The following SMC2 variants were observed in gnomAD, a reference collection of about 807,000 sequenced individuals.
SMC2 encodes structural maintenance of chromosomes 2.
In SMC2, 41 loss-of-function variants were observed where a neutral mutation model predicts 142.6. The observed-to-expected ratio is 0.29, with a 90% confidence interval of 0.22 to 0.37. The LOEUF (loss-of-function observed/expected upper bound fraction) is 0.37, where lower values mean the gene tolerates loss of function less well. SMC2 is among the 10% of genes least tolerant of loss of function. SMC2 has a pLI of 1.00. For missense variants in SMC2, 1,265 were observed against 1,373.7 expected (o/e 0.92, Z 1.25); for synonymous variants, 463 against 457.5 (o/e 1.01, Z -0.15).
At chr9:104,111,155 T>C (rs1832399148) in intron 9 of SMC2, among the ~76,000 whole-genome samples, 1 of 152,204 alleles carries the variant, frequency 6.6e-6, no homozygotes, top group South Asian at 2.1e-4. Context: ...TCTGAAACTA[T>C]TTAATGCTCA....
intron 14 of SMC2, 118 bp from the exon 15 acceptor site, chr9:104,118,053 T>G (rs1254195254): frequency 2.8e-6 from 2 of 721,444 alleles, no homozygotes; most frequent in African/African-American, 3.6e-5. Flanking sequence ...GAAAGAGTTT[T>G]AATGCTAGGT....
At chr9:104,127,906 T>C (rs1313024953) in intron 20 of SMC2, among the ~76,000 whole-genome samples, 1 of 152,218 alleles carries the variant, frequency 6.6e-6, no homozygotes, top group Non-Finnish European at 1.5e-5. Flanking sequence ...CACATGTCTT[T>C]ATGAGTGTTA....
Position 104,140,148 on chromosome 9 carries a change from G to A in SMC2, c.*833G>A, listed in dbSNP as rs1199652484. The A allele has an allele frequency of 3.3e-5, 5 of 151,806 alleles. No individual in the cohort carries two copies. Among genetic ancestry groups the A allele is most frequent in the Admixed American group, 2.0e-4 (3 of 15,222 alleles). The allele number at this position is 151,806 out of a possible 1,614,324, so 9.4% of individuals were successfully genotyped here. ...TAATCCAGTCATTAACAACCTATTGGTAAACAAGAATGTAGGTGCCAGTAG... is the reference window on the plus strand; with the variant it reads ...TAATCCAGTCATTAACAACCTATTGATAAACAAGAATGTAGGTGCCAGTAG... On this transcript the variant is annotated 3_prime_UTR_variant, in exon 25 of 25. Transcript: ENST00000374793.
chr9:104,109,806 T>G (rs969893795), intron 9 of SMC2, among the ~76,000 whole-genome samples: 2 of 152,316 alleles, frequency 1.3e-5, no homozygotes, highest in Admixed American at 1.3e-4. Context: ...TAGGTACTAG[T>G]CTATTTTATC....
chr9:104,093,692 C>T (rs1830142803), upstream of SMC2, among the ~76,000 whole-genome samples: 1 of 152,180 alleles, frequency 6.6e-6, no homozygotes, highest in African/African-American at 2.4e-5. Flanking sequence ...CGGAACAGCT[C>T]TCGGTAGACT....
intron 17 of SMC2, 175 bp downstream of exon 17, chr9:104,123,407 A>G (rs540075183): frequency 1.9e-4 from 92 of 473,200 alleles, no homozygotes; most frequent in African/African-American, 1.8e-3. Context: ...TCTTTATTGT[A>G]TATCGTCAAA....
chr9:104,130,555 A>G (rs953455217), intron 21 of SMC2, among the ~76,000 whole-genome samples: 6 of 152,148 alleles, frequency 3.9e-5, no homozygotes, highest in African/African-American at 1.4e-4. Context: ...GACACTGATA[A>G]TAGCACAGTT....
intron 24 of SMC2, 62 bp downstream of exon 24, chr9:104,138,227 C>A: frequency 3.0e-6 from 4 of 1,339,050 alleles, no homozygotes; most frequent in Non-Finnish European, 4.1e-6. Context: ...TAAAACCATT[C>A]TTTAGTTAGT....
Position 104,139,689 on chromosome 9 carries a change from G to T in SMC2, c.*374G>T, listed in dbSNP as rs1182576772. On this transcript the variant is annotated 3_prime_UTR_variant, in exon 25 of 25. Coordinates refer to ENST00000374793, the MANE Select transcript of SMC2 (RefSeq NM_006444.3). ...GTGTTTAATTGATTTAATTCCTAAG[G>T]CAATATTAATGTGTTTTCTAAAGTC... The T allele has an allele frequency of 2.5e-5, 4 of 161,754 alleles. No individual in the cohort carries two copies. The highest frequency in any genetic ancestry group is 5.3e-5 in the Non-Finnish European group (4 of 75,126). The allele number at this position is 161,754 out of a possible 1,614,324, so 10.0% of individuals were successfully genotyped here. A position where few individuals can be genotyped will look rare whatever the true frequency, so the allele number is the denominator to read the frequency against.
At chr9:104,093,209 A>AT (rs1326890933), upstream of SMC2, 1 of 152,194 alleles carries the variant, frequency 6.6e-6, no homozygotes, top group Non-Finnish European at 1.5e-5. Context: ...CACTTAGGGT[A>AT]ACACCATACC....
At chr9:104,134,015 CAT>C (rs1467263080) in intron 22 of SMC2, among the ~76,000 whole-genome samples, 4 of 151,806 alleles carry the variant, frequency 2.6e-5, no homozygotes, top group African/African-American at 4.8e-5. Flanking sequence ...TTTTTTTCCT[CAT>C]GTGATACAAT....
chr9:104,133,616 TAGTC>T (rs1835216565), intron 22 of SMC2, among the ~76,000 whole-genome samples: 1 of 152,148 alleles, frequency 6.6e-6, no homozygotes, highest in Non-Finnish European at 1.5e-5. Context: ...CTAAGAATAT[TAGTC>T]ATGTCTTTGA....
intron 9 of SMC2, among the ~76,000 whole-genome samples, chr9:104,104,464 C>T (rs773334057): frequency 7.4e-4 from 112 of 152,182 alleles, no homozygotes; most frequent in Non-Finnish European, 1.3e-3. Context: ...CAGAAAACAG[C>T]CTGCTCTGAG....
chr9:104,102,560 A>C lies in SMC2; in HGVS notation c.1007A>C (p.Lys336Thr). The stretch of plus-strand genomic sequence containing the variant: ...GAAAGCAAACGCAAAGAGCTGGAAA[A>C]AAATATGGTTGAGGTAAGTGAGCTT... Reference protein sequence around the residue: ...CEESKRKELEKNMVEDSKTLA... With the variant: ...CEESKRKELETNMVEDSKTLA... The change falls in exon 9 of 25, where the codon AAA (lysine) becomes ACA (threonine). Residue 336 changes from lysine to threonine, a missense_variant. Coordinates refer to ENST00000374793, the MANE Select transcript of SMC2 (RefSeq NM_006444.3). 1 of 1,613,338 alleles carries C rather than the reference A, an allele frequency of 6.2e-7. No individual in the cohort carries two copies. Among genetic ancestry groups the C allele is most frequent in the Non-Finnish European group, 8.5e-7 (1 of 1,179,646 alleles).
At position 104,134,553 on chromosome 9, in the gene SMC2, A is replaced by C. The variant is rs749774203; in HGVS notation, c.3247A>C (p.Thr1083Pro). ...ALGNTWKENL[T>P]ELSGGQRSLV... ...GGGAAATACCTGGAAAGAAAACCTA[A>C]CTGAACTTAGTGGTGGTCAGAGGTG... Residue 1083 changes from threonine (T) to proline (P), a missense_variant, in exon 23 of 25, where the codon ACT (threonine) becomes CCT (proline). Thr to Pro is a conservative substitution (Grantham distance 38). Transcript: ENST00000374793. The C allele has an allele frequency of 1.7e-5, 27 of 1,609,434 alleles. No individual in the cohort carries two copies. The highest frequency in any genetic ancestry group is 2.1e-5 in the Non-Finnish European group (25 of 1,177,722).
chr9:104,117,703 T>A (rs1274907222), intron 14 of SMC2, among the ~76,000 whole-genome samples: 2 of 152,152 alleles, frequency 1.3e-5, no homozygotes, highest in African/African-American at 4.8e-5. Flanking sequence ...TTTCCAAAAT[T>A]CAAAACTATG....
intron 6 of SMC2, 41 bp downstream of exon 6, chr9:104,100,244 A>T: frequency 2.1e-6 from 3 of 1,455,696 alleles, no homozygotes; most frequent in Non-Finnish European, 2.8e-6. Context: ...GAAGAATGTA[A>T]TTTTGCATGT....
chr9:104,135,490 T>C (rs772548674), intron 23 of SMC2, among the ~76,000 whole-genome samples: 9 of 152,132 alleles, frequency 5.9e-5, no homozygotes, highest in Non-Finnish European at 1.3e-4. Context: ...GGGCAAGTAA[T>C]TGGAGTTCCA....
Position 104,126,773 on chromosome 9 carries a change from G to A in SMC2, c.2584G>A (p.Ala862Thr), listed in dbSNP as rs867223678. The A allele has an allele frequency of 1.3e-6, 2 of 1,592,198 alleles. No individual in the cohort carries two copies. The highest frequency in any genetic ancestry group is 2.2e-5 in the East Asian group (1 of 44,712). ...GATTGAAGTAATGGCAGCTGAGGTGGCTAAAAATAAGGTAGGATTTATTTA... is the reference window on the plus strand; with the variant it reads ...GATTGAAGTAATGGCAGCTGAGGTGACTAAAAATAAGGTAGGATTTATTTA... ...SQIEVMAAEV[A>T]KNKESVNKAQ... The change falls in exon 19 of 25, where the codon GCT (alanine) becomes ACT (threonine). Residue 862 changes from alanine to threonine, a missense_variant. Transcript: ENST00000374793.
Sources: allele counts gnomAD v4.1 joint callset (sites outside exome capture counted in the v4.1 genomes callset), GRCh38; gene constraint gnomAD v4.1.1; transcripts MANE v1.5; gene names NCBI Gene and HGNC (gene_info 2026-07-23, HGNC 2026-07-21).